Variants in PTPN2 observed in about 807,000 individuals in gnomAD.
PTPN2 encodes protein tyrosine phosphatase non-receptor type 2, also known as tyrosine-protein phosphatase non-receptor type 2.
In PTPN2, 19 loss-of-function variants were observed where a neutral mutation model predicts 57.3. The ratio of observed to expected loss-of-function variants is 0.33; its 90% CI spans 0.23 to 0.49. The LOEUF is 0.49. Among genes scored for constraint, PTPN2 ranks in the 20% least tolerant of loss-of-function variants. PTPN2 has a pLI of 0.99. For missense variants in PTPN2, 358 were observed against 501.1 expected (o/e 0.71, Z 2.73); for synonymous variants, 153 against 164.9 (o/e 0.93, Z 0.55).
intron 2 of PTPN2, among the ~76,000 whole-genome samples, chr18:12,848,470 A>G (rs1344916222): frequency 6.6e-6 from 1 of 152,216 alleles, no homozygotes; most frequent in Admixed American, 6.5e-5. Flanking sequence ...AATGTTGTGG[A>G]AGTTGTATGT....
chr18:12,842,596 G>A (rs1357814244), intron 2 of PTPN2, among the ~76,000 whole-genome samples: 29 of 152,144 alleles, frequency 1.9e-4, no homozygotes, highest in Admixed American at 1.9e-3. Flanking sequence ...ACAGAGAACG[G>A]CGAATGACTT....
Position 12,793,105 on chromosome 18 carries a change from G to T in PTPN2, c.*1173C>A, listed in dbSNP as rs1420559140. 18 of 984,830 alleles carry T rather than the reference G, an allele frequency of 1.8e-5. No individual in the cohort carries two copies. Among genetic ancestry groups the T allele is most frequent in the Non-Finnish European group, 2.0e-5 (17 of 829,498 alleles). 61.0% of individuals were successfully genotyped at this position (984,830 alleles called of 1,614,324 possible). ...TCCATGCCTCCTAGCAATTAAATTT[G>T]TAACAACAATTTCAAGTTTAAGTAA... On this transcript the variant is annotated 3_prime_UTR_variant, in exon 9 of 9. Coordinates refer to ENST00000309660, the MANE Select transcript of PTPN2 (RefSeq NM_002828.4).
intron 2 of PTPN2, chr18:12,840,808 C>A: frequency 6.3e-7 from 1 of 1,598,406 alleles, no homozygotes. Context: ...GCTGACATCA[C>A]CTTTTCACGT....
At chr18:12,855,197 G>C (rs1421727582) in intron 2 of PTPN2, among the ~76,000 whole-genome samples, 2 of 152,180 alleles carry the variant, frequency 1.3e-5, no homozygotes, top group East Asian at 3.9e-4. Flanking sequence ...TGTGCATGGT[G>C]GGGAGGGTGG....
chr18:12,877,964 A>G (rs915110713), intron 1 of PTPN2, among the ~76,000 whole-genome samples: 5 of 152,138 alleles, frequency 3.3e-5, no homozygotes, highest in African/African-American at 1.2e-4. Flanking sequence ...TGGGAGGCAG[A>G]GCTTGCAGCG....
At chr18:12,816,565 C>T (rs1205061992) in intron 6 of PTPN2, among the ~76,000 whole-genome samples, 1 of 151,932 alleles carries the variant, frequency 6.6e-6, no homozygotes, top group Non-Finnish European at 1.5e-5. Context: ...AAATAAAGGT[C>T]CTAAAAAGAG....
chr18:12,872,530 T>C (rs1158923285), intron 1 of PTPN2, among the ~76,000 whole-genome samples: 1 of 152,212 alleles, frequency 6.6e-6, no homozygotes, highest in Non-Finnish European at 1.5e-5. Flanking sequence ...CTTGAGCCAG[T>C]TTCTTTGTTT....
intron 1 of PTPN2, among the ~76,000 whole-genome samples, chr18:12,870,339 ATACATATATATGTGTATATATATGTG>A (rs2044169762): frequency 2.6e-5 from 1 of 39,162 alleles, no homozygotes; most frequent in Non-Finnish European, 4.6e-5. Flanking sequence ...ATGTATATAT[ATACATATATATGTGTATATATATGTG>A]TATATATACA....
chr18:12,849,922 C>T (rs958472280), intron 2 of PTPN2, among the ~76,000 whole-genome samples: 16 of 152,054 alleles, frequency 1.1e-4, no homozygotes, highest in Admixed American at 3.3e-4. Flanking sequence ...ATTCAATTCA[C>T]GCTTTCTTTG....
At chr18:12,874,016 C>T (rs1375086598) in intron 1 of PTPN2, among the ~76,000 whole-genome samples, 22 of 150,698 alleles carry the variant, frequency 1.5e-4, no homozygotes, top group Admixed American at 1.1e-3. Flanking sequence ...ACCTGGCAAC[C>T]GCCCCGTCTG....
At chr18:12,868,178 T>C (rs1186706153) in intron 1 of PTPN2, among the ~76,000 whole-genome samples, 1 of 152,196 alleles carries the variant, frequency 6.6e-6, no homozygotes. Flanking sequence ...AAGCTTCCAG[T>C]GCATGGGATT....
intron 2 of PTPN2, among the ~76,000 whole-genome samples, chr18:12,846,224 T>C (rs992721755): frequency 6.6e-6 from 1 of 152,208 alleles, no homozygotes; most frequent in Non-Finnish European, 1.5e-5. Context: ...TTGGCCAGAC[T>C]TCTCCAGTGT....
At chr18:12,871,967 G>A (rs943859200) in intron 1 of PTPN2, among the ~76,000 whole-genome samples, 14 of 151,632 alleles carry the variant, frequency 9.2e-5, no homozygotes, top group African/African-American at 3.4e-4. Flanking sequence ...AGAATCGCTT[G>A]AACTCAGCAT....
intron 2 of PTPN2, chr18:12,839,693 T>C (rs529374266): frequency 8.5e-5 from 13 of 152,334 alleles, no homozygotes; most frequent in African/African-American, 3.1e-4. Flanking sequence ...CACTTTTTTT[T>C]CTACAGGCAT....
At chr18:12,840,956 T>A in intron 2 of PTPN2, 1 of 1,467,230 alleles carries the variant, frequency 6.8e-7, no homozygotes, top group Non-Finnish European at 9.0e-7. Flanking sequence ...GTTCCCTGCA[T>A]TGAATACTTT....
At chr18:12,806,327 A>G (rs2041648616) in intron 7 of PTPN2, among the ~76,000 whole-genome samples, 1 of 152,234 alleles carries the variant, frequency 6.6e-6, no homozygotes, top group Non-Finnish European at 1.5e-5. Context: ...AAATGGAAAG[A>G]TAGCCTATGT....
chr18:12,831,720 G>T (rs1209993456), intron 3 of PTPN2, among the ~76,000 whole-genome samples: 1 of 152,186 alleles, frequency 6.6e-6, no homozygotes, highest in Admixed American at 6.5e-5. Context: ...GAACCACAAT[G>T]AAACTGTTAA....
In PTPN2 at chr18:12,884,167, C is replaced by T. The variant is rs1205083676; in HGVS notation, c.-26G>A. Reference sequence around the variant, plus strand: ...GGCTGCGGGAGCGAGCTGGCGCGAGCAGAGCCTGCGCCGGCGGAGAGGCTC... The same window carrying T: ...GGCTGCGGGAGCGAGCTGGCGCGAGTAGAGCCTGCGCCGGCGGAGAGGCTC... On this transcript the variant is annotated 5_prime_UTR_variant, in exon 1 of 9. Coordinates refer to ENST00000309660, the MANE Select transcript of PTPN2 (RefSeq NM_002828.4). 5 of 1,561,986 alleles carry T rather than the reference C, an allele frequency of 3.2e-6. No homozygotes were observed. In the South Asian group the frequency reaches 3.5e-5, roughly 11 times the overall value.
chr18:12,837,478 G>A (rs555041689), intron 2 of PTPN2, among the ~76,000 whole-genome samples: 9 of 152,118 alleles, frequency 5.9e-5, no homozygotes, highest in Admixed American at 2.6e-4. Context: ...TAACAGTTTA[G>A]AGATATTTCT....
Sources: allele counts gnomAD v4.1 joint callset (sites outside exome capture counted in the v4.1 genomes callset), GRCh38; gene constraint gnomAD v4.1.1; transcripts MANE v1.5; gene names NCBI Gene and HGNC (gene_info 2026-07-23, HGNC 2026-07-21).